Variants in MYO18B observed in about 807,000 individuals in gnomAD.
MYO18B encodes the protein myosin XVIIIB, also known as unconventional myosin-XVIIIb.
Under a neutral mutation model 273.0 loss-of-function variants are expected in MYO18B, and 204 were observed. The ratio of observed to expected loss-of-function variants is 0.75; its 90% confidence interval spans 0.67 to 0.84. MYO18B has a LOEUF of 0.84. Among genes scored for constraint, MYO18B ranks in the 40% least tolerant of loss-of-function variants. MYO18B has a pLI of 0.00. For synonymous variants in MYO18B, 1,330 were observed against 1,305.7 expected, an observed-to-expected ratio of 1.02 and a Z score of -0.40; for missense variants, 3,212 against 3,287.6, an observed-to-expected ratio of 0.98 and a Z score of 0.56.
At chr22:25,815,045 C>A (rs912897204) in intron 12 of MYO18B, among the ~76,000 whole-genome samples, 1 of 152,208 alleles carries the variant, frequency 6.6e-6, no homozygotes, top group Non-Finnish European at 1.5e-5. Context: ...CATAATCATG[C>A]CTTTTTGTAT....
chr22:25,918,203 A>T (rs1159840222), intron 33 of MYO18B, among the ~76,000 whole-genome samples: 2 of 152,158 alleles, frequency 1.3e-5, no homozygotes, highest in Admixed American at 6.5e-5. Context: ...AGCAACACGC[A>T]TTCTGTCTCC....
chr22:26,015,783 A>G (rs1466487861), intron 42 of MYO18B, among the ~76,000 whole-genome samples: 1 of 152,240 alleles, frequency 6.6e-6, no homozygotes, highest in Non-Finnish European at 1.5e-5. Flanking sequence ...AAACCTGCAC[A>G]TGTACCCCTG....
At chr22:26,009,424 C>A (rs1254812795) in intron 42 of MYO18B, among the ~76,000 whole-genome samples, 1 of 152,188 alleles carries the variant, frequency 6.6e-6, no homozygotes, top group East Asian at 1.9e-4. Flanking sequence ...TCATCCATCA[C>A]CTTGCTGTCC....
the MYO18B span, among the ~76,000 whole-genome samples, chr22:26,051,240 T>A: frequency 6.9e-6 from 1 of 144,014 alleles, no homozygotes; most frequent in Non-Finnish European, 1.5e-5. Flanking sequence ...TTTTTTTTTT[T>A]TGAGACGGAG....
intron 1 of MYO18B, among the ~76,000 whole-genome samples, chr22:25,746,545 T>C (rs2085783547): frequency 6.6e-6 from 1 of 152,170 alleles, no homozygotes; most frequent in Admixed American, 6.5e-5. Flanking sequence ...TCCTCTCCAG[T>C]TGTGACAACC....
intron 21 of MYO18B, among the ~76,000 whole-genome samples, chr22:25,855,042 G>T (rs868644720): frequency 3.3e-5 from 5 of 152,044 alleles, no homozygotes; most frequent in Non-Finnish European, 7.4e-5. Context: ...CATCACCCAG[G>T]TATTAAGCCT....
intron 15 of MYO18B, among the ~76,000 whole-genome samples, chr22:25,830,432 T>G (rs2089664475): frequency 6.6e-6 from 1 of 152,240 alleles, no homozygotes; most frequent in South Asian, 2.1e-4. Context: ...GCTCTCTTGG[T>G]CCAGGATGGT....
intron 13 of MYO18B, among the ~76,000 whole-genome samples, chr22:25,824,673 G>T (rs1195585192): frequency 1.3e-5 from 2 of 152,096 alleles, no homozygotes; most frequent in South Asian, 2.1e-4. Context: ...GGACTTCGGC[G>T]TGAGGACTGA....
chr22:25,926,850 G>T (rs1026248290), intron 34 of MYO18B, among the ~76,000 whole-genome samples: 7 of 152,218 alleles, frequency 4.6e-5, no homozygotes, highest in Admixed American at 4.6e-4. Context: ...ACCAGCTGAA[G>T]CCATGGCAGA....
At chr22:26,016,920 T>G (rs988008604) in intron 42 of MYO18B, among the ~76,000 whole-genome samples, 1 of 152,186 alleles carries the variant, frequency 6.6e-6, no homozygotes, top group Non-Finnish European at 1.5e-5. Context: ...AATGTTTGTT[T>G]GTGTGTTTTT....
chr22:25,863,847 A>G (rs188456560), intron 21 of MYO18B, among the ~76,000 whole-genome samples: 6 of 152,220 alleles, frequency 3.9e-5, no homozygotes, highest in Non-Finnish European at 8.8e-5. Context: ...AGTCTCTCTT[A>G]TTCTTGTGTT....
At chr22:26,022,028 C>A in intron 42 of MYO18B, among the ~76,000 whole-genome samples, 1 of 152,102 alleles carries the variant, frequency 6.6e-6, no homozygotes, top group East Asian at 1.9e-4. Flanking sequence ...CCTTTTTGGA[C>A]AGACTACAGG....
At chr22:26,051,165 G>A in the MYO18B span, among the ~76,000 whole-genome samples, 1 of 149,948 alleles carries the variant, frequency 6.7e-6, no homozygotes, top group South Asian at 2.1e-4. Context: ...TGCATGCTAG[G>A]TATTTTAGGT....
chr22:25,930,618 T>G (rs976556283), intron 34 of MYO18B, among the ~76,000 whole-genome samples: 1 of 151,638 alleles, frequency 6.6e-6, no homozygotes, highest in Non-Finnish European at 1.5e-5. Context: ...AATACAGGCA[T>G]GCACCACCAC....
chr22:25,962,448 A>G (rs1346120374), intron 39 of MYO18B, among the ~76,000 whole-genome samples: 1 of 152,208 alleles, frequency 6.6e-6, no homozygotes, highest in Non-Finnish European at 1.5e-5. Context: ...AGCATTTTGA[A>G]GTTTTACCTC....
chr22:25,753,227 A>T lies in MYO18B; in HGVS notation c.-109-7757A>T, dbSNP rs2331153. Among the ~76,000 whole-genome samples, 15 of 151,684 alleles carry T rather than the reference A, an allele frequency of 9.9e-5. No individual in the cohort carries two copies. The South Asian group carries it at 3.1e-3, about 32-fold the overall frequency. ...GACCCCAGCTGGCCTCCCGGTCGGC[A>T]GGGGCGGGTGTGGGGGGGGCGGGGG... On this transcript the variant is annotated intron_variant, in intron 1 of 43. Coordinates refer to ENST00000335473, the MANE Select transcript of MYO18B (RefSeq NM_032608.7).
chr22:25,955,599 GC>G (rs1213848522), intron 39 of MYO18B, among the ~76,000 whole-genome samples: 1 of 152,184 alleles, frequency 6.6e-6, no homozygotes, highest in Admixed American at 6.5e-5. Context: ...CTGCCGGATG[GC>G]TGCCAAGTTC....
In MYO18B at chr22:25,851,610, GC is replaced by G. The variant is rs773544312; in HGVS notation, c.3885+34del. 2.8e-6 allele frequency: 4 copies of G among 1,436,872 alleles called. No homozygotes were observed. In the African/African-American group the frequency reaches 5.6e-5, roughly 20 times the overall value. The allele number at this position is 1,436,872 out of a possible 1,614,324, so 89.0% of individuals were successfully genotyped here. ...TGGAGCACATGCGAGAGGGGTGAAG[GC>G]CCTAGATATGGATATGTTGGTTATT... On this transcript the variant is annotated intron_variant, in intron 21 of 43. Coordinates refer to ENST00000335473, the MANE Select transcript of MYO18B (RefSeq NM_032608.7).
intron 17 of MYO18B, among the ~76,000 whole-genome samples, chr22:25,839,070 A>G (rs923018509): frequency 5.3e-5 from 8 of 150,194 alleles, no homozygotes; most frequent in African/African-American, 1.7e-4. Context: ...GTGTATATGT[A>G]TGTATATATG....
Sources: gnomAD v4.1 joint callset for allele counts (sites outside exome capture counted in the v4.1 genomes callset) on GRCh38, gnomAD v4.1.1 for gene constraint, MANE v1.5 for transcripts, NCBI Gene and HGNC (gene_info 2026-07-23, HGNC 2026-07-21) for gene names.